Variants in RBFOX1 observed in about 807,000 individuals in gnomAD.
RBFOX1 encodes the protein RNA binding fox-1 homolog 1, also known as RNA binding protein fox-1 homolog 1.
Under a neutral mutation model 57.7 loss-of-function variants are expected in RBFOX1, and 8 were observed. That is an observed-to-expected ratio of 0.14 (90% confidence interval 0.08 to 0.25). The LOEUF is 0.25. Among genes scored for constraint, RBFOX1 ranks in the 10% least tolerant of loss-of-function variants. RBFOX1 has a pLI of 1.00. For synonymous variants in RBFOX1, 326 were observed against 222.4 expected, an observed-to-expected ratio of 1.47 and a Z score of -4.15; for missense variants, 611 against 548.5, an observed-to-expected ratio of 1.11 and a Z score of -1.14.
intron 1 of RBFOX1, among the ~76,000 whole-genome samples, chr16:6,224,824 C>T (rs1227397090): frequency 1.3e-5 from 2 of 152,006 alleles, no homozygotes; most frequent in African/African-American, 2.4e-5. Context: ...AGTTTGAGAC[C>T]AGCCTGACCA....
At chr16:7,275,321 T>G (rs2095419865) in intron 4 of RBFOX1, among the ~76,000 whole-genome samples, 1 of 152,240 alleles carries the variant, frequency 6.6e-6, no homozygotes, top group African/African-American at 2.4e-5. Context: ...AATATTCAAA[T>G]GTGTTAATAG....
intron 3 of RBFOX1, among the ~76,000 whole-genome samples, chr16:6,957,116 T>TTTTTTTTTTTTATTTATTTA (rs574831673): frequency 5.0e-5 from 7 of 139,240 alleles, no homozygotes; most frequent in Non-Finnish European, 9.2e-5. Flanking sequence ...TTATTTTTAT[T>TTTTTTTTTTTTATTTATTTA]TTTATTTATT....
At chr16:5,436,267 C>T (rs1017580407) in intron 1 of RBFOX1, among the ~76,000 whole-genome samples, 14 of 152,198 alleles carry the variant, frequency 9.2e-5, no homozygotes, top group African/African-American at 1.2e-4. Flanking sequence ...ACAGTGACAA[C>T]GACAAATAAA....
At chr16:6,417,171 C>G (rs1335103875) in intron 2 of RBFOX1, among the ~76,000 whole-genome samples, 1 of 151,950 alleles carries the variant, frequency 6.6e-6, no homozygotes, top group African/African-American at 2.4e-5. Flanking sequence ...GCCACCATGC[C>G]CAGTAAACTT....
rs187267692 is a variant in RBFOX1, at chr16:6,241,565, A to G, written c.-126-75430A>G. ...AATACACAGTTAGATGGTAAAGTCT[A>G]CATTCCTGGCTCCTGAAATGAACAG... On this transcript the variant is annotated intron_variant, in intron 1 of 15. Transcript: ENST00000550418. Among the ~76,000 whole-genome samples the G allele has an allele frequency of 2.0e-3, 309 of 152,322 alleles. 2 individuals are homozygous for G. The highest frequency in any genetic ancestry group is 3.7e-3 in the Non-Finnish European group (252 of 68,036).
intron 2 of RBFOX1, among the ~76,000 whole-genome samples, chr16:5,529,845 G>A (rs1427328809): frequency 6.6e-6 from 1 of 152,148 alleles, no homozygotes; most frequent in Non-Finnish European, 1.5e-5. Context: ...TGGAATTACA[G>A]GCATGAGCCA....
At chr16:7,378,844 C>T (rs1029759066) in intron 4 of RBFOX1, among the ~76,000 whole-genome samples, 2 of 152,158 alleles carry the variant, frequency 1.3e-5, no homozygotes, top group African/African-American at 4.8e-5. Flanking sequence ...ACAAAAGGAC[C>T]TTCCAAAGAG....
At chr16:6,081,129 T>C (rs2095994740) in intron 1 of RBFOX1, among the ~76,000 whole-genome samples, 1 of 152,160 alleles carries the variant, frequency 6.6e-6, no homozygotes, top group African/African-American at 2.4e-5. Flanking sequence ...AATAGACCAA[T>C]GATTTCTCAT....
chr16:6,894,937 G>A (rs923355194), intron 3 of RBFOX1, among the ~76,000 whole-genome samples: 1 of 152,070 alleles, frequency 6.6e-6, no homozygotes, highest in Non-Finnish European at 1.5e-5. Context: ...GTCTCCAAAT[G>A]TTTTCTATCT....
chr16:6,231,698 C>T (rs977966403), intron 1 of RBFOX1, among the ~76,000 whole-genome samples: 1 of 152,220 alleles, frequency 6.6e-6, no homozygotes, highest in Admixed American at 6.5e-5. Flanking sequence ...TTAGGCATGT[C>T]TGCCCTGGAC....
intron 4 of RBFOX1, among the ~76,000 whole-genome samples, chr16:7,139,176 C>CTGTGTGTGTGTGTGTGTGTG (rs1388063094): frequency 1.0e-3 from 150 of 145,904 alleles, no homozygotes; most frequent in African/African-American, 2.8e-3. Context: ...CAATCTCTCT[C>CTGTGTGTGTGTGTGTGTGTG]TGTGTGTGTG....
chr16:6,892,705 G>C (rs765465217), intron 3 of RBFOX1, among the ~76,000 whole-genome samples: 7 of 151,706 alleles, frequency 4.6e-5, no homozygotes, highest in Non-Finnish European at 1.0e-4. Flanking sequence ...GTGAAGTACA[G>C]TGCTATTTGT....
At chr16:5,331,281 G>A (rs541537804) in intron 1 of RBFOX1, among the ~76,000 whole-genome samples, 2 of 152,356 alleles carry the variant, frequency 1.3e-5, no homozygotes, top group South Asian at 2.1e-4. Context: ...TATCTCACGT[G>A]CTTTGGGCTT....
chr16:7,145,145 C>G (rs747754159), intron 4 of RBFOX1, among the ~76,000 whole-genome samples: 3 of 152,184 alleles, frequency 2.0e-5, no homozygotes, highest in African/African-American at 7.2e-5. Flanking sequence ...TTGCTGCAAG[C>G]AGGGGGTACC....
At chr16:7,423,358 G>C (rs140946884) in intron 4 of RBFOX1, among the ~76,000 whole-genome samples, 2 of 152,156 alleles carry the variant, frequency 1.3e-5, no homozygotes, top group South Asian at 2.1e-4. Flanking sequence ...AAAAAGTTGT[G>C]GGGGGTGGGG....
chr16:5,337,656 C>G (rs1314064675), intron 1 of RBFOX1, among the ~76,000 whole-genome samples: 1 of 152,070 alleles, frequency 6.6e-6, no homozygotes, highest in Non-Finnish European at 1.5e-5. Flanking sequence ...TATGTAAGAC[C>G]ACAGAATTAA....
chr16:7,213,811 C>CT (rs754493111), intron 4 of RBFOX1, among the ~76,000 whole-genome samples: 6 of 152,264 alleles, frequency 3.9e-5, no homozygotes, highest in Non-Finnish European at 7.4e-5. Context: ...GCCAGTTATT[C>CT]TTAATAGACT....
intron 4 of RBFOX1, among the ~76,000 whole-genome samples, chr16:7,196,094 T>C (rs940661067): frequency 6.6e-6 from 1 of 152,106 alleles, no homozygotes; most frequent in Non-Finnish European, 1.5e-5. Context: ...TATTATTGTT[T>C]GCTCTTTTCT....
At chr16:6,162,019 C>G (rs2096883102) in intron 1 of RBFOX1, among the ~76,000 whole-genome samples, 1 of 152,182 alleles carries the variant, frequency 6.6e-6, no homozygotes, top group Non-Finnish European at 1.5e-5. Context: ...TAGTTATTAA[C>G]CAGCATTAGC....
Sources: allele counts gnomAD v4.1 joint callset (sites outside exome capture counted in the v4.1 genomes callset), GRCh38; gene constraint gnomAD v4.1.1; transcripts MANE v1.5; gene names NCBI Gene and HGNC (gene_info 2026-07-23, HGNC 2026-07-21).